Variants in PTPRZ1 observed in about 807,000 individuals in gnomAD.
PTPRZ1 encodes receptor-type tyrosine-protein phosphatase zeta.
PTPRZ1 carries 82 observed loss-of-function variants against 214.1 expected under a neutral mutation model. The ratio of observed to expected loss-of-function variants is 0.38; its 90% confidence interval spans 0.32 to 0.46. The LOEUF is 0.46. PTPRZ1 is among the 20% of genes least tolerant of loss of function. PTPRZ1 has a pLI of 1.00. For missense variants in PTPRZ1, 2,603 were observed against 2,748.7 expected (o/e 0.95, Z 1.19); for synonymous variants, 945 against 987.9 (o/e 0.96, Z 0.81).
At chr7:121,896,604 T>C (rs888370339) in intron 1 of PTPRZ1, among the ~76,000 whole-genome samples, 2 of 152,054 alleles carry the variant, frequency 1.3e-5, no homozygotes, top group Non-Finnish European at 2.9e-5. Flanking sequence ...AAACCCCGCC[T>C]CTACTAAAAA....
intron 14 of PTPRZ1, among the ~76,000 whole-genome samples, chr7:122,029,095 GGT>G (rs1491303404): frequency 2.3e-5 from 3 of 129,988 alleles, no homozygotes; most frequent in Admixed American, 7.3e-5. Context: ...GTGAGAAAAG[GGT>G]TTTTTTTTTT....
At chr7:121,923,443 C>CAGA (rs1213977912) in intron 1 of PTPRZ1, among the ~76,000 whole-genome samples, 2 of 152,072 alleles carry the variant, frequency 1.3e-5, no homozygotes, top group Admixed American at 6.6e-5. Context: ...AGTTATTTTT[C>CAGA]TTAGGAGCAC....
At chr7:121,963,927 T>C (rs746530048) in intron 2 of PTPRZ1, among the ~76,000 whole-genome samples, 6 of 149,088 alleles carry the variant, frequency 4.0e-5, no homozygotes, top group Non-Finnish European at 9.0e-5. Flanking sequence ...GTCATTGCGC[T>C]ATATGTTGTC....
At chr7:121,976,426 T>A (rs964792954) in intron 5 of PTPRZ1, among the ~76,000 whole-genome samples, 158 bp downstream of exon 5, 4 of 152,148 alleles carry the variant, frequency 2.6e-5, no homozygotes, top group African/African-American at 9.7e-5. Flanking sequence ...TGCCTGGTAT[T>A]TTTAAAAGGA....
chr7:122,037,397 C>A (rs1799582554), intron 18 of PTPRZ1, among the ~76,000 whole-genome samples: 1 of 152,146 alleles, frequency 6.6e-6, no homozygotes, highest in African/African-American at 2.4e-5. Flanking sequence ...GATTAAAAGG[C>A]AAACATGATT....
intron 4 of PTPRZ1, among the ~76,000 whole-genome samples, chr7:121,973,940 G>GAAAAAAAAAAAAAAA: frequency 1.2e-5 from 1 of 86,220 alleles, no homozygotes; most frequent in Non-Finnish European, 2.1e-5. Flanking sequence ...TCTCAAAAAA[G>GAAAAAAAAAAAAAAA]AAAAAAAAAA....
At chr7:122,047,894 T>A (rs1792050818) in intron 23 of PTPRZ1, among the ~76,000 whole-genome samples, 1 of 152,126 alleles carries the variant, frequency 6.6e-6, no homozygotes, top group South Asian at 2.1e-4. Flanking sequence ...GCTCAATCGA[T>A]CTGCCTGCTG....
intron 12 of PTPRZ1, among the ~76,000 whole-genome samples, chr7:122,018,773 T>G (rs1257984226): frequency 6.6e-6 from 1 of 152,160 alleles, no homozygotes; most frequent in Non-Finnish European, 1.5e-5. Flanking sequence ...AGCGCTGTTT[T>G]TCCTGACCAT....
chr7:122,037,309 C>G (rs1799578675), intron 18 of PTPRZ1, among the ~76,000 whole-genome samples: 1 of 152,002 alleles, frequency 6.6e-6, no homozygotes, highest in South Asian at 2.1e-4. Flanking sequence ...AGGGCCAAGG[C>G]TTATTTTAAG....
intron 1 of PTPRZ1, among the ~76,000 whole-genome samples, chr7:121,904,703 C>G (rs1795068189): frequency 6.6e-6 from 1 of 152,118 alleles, no homozygotes; most frequent in African/African-American, 2.4e-5. Context: ...AGGATAGATT[C>G]CGGGGTTTCT....
intron 1 of PTPRZ1, among the ~76,000 whole-genome samples, chr7:121,884,106 A>T (rs1562999874): frequency 1.3e-5 from 2 of 152,042 alleles, no homozygotes; most frequent in African/African-American, 4.8e-5. Context: ...AAATATAGAC[A>T]GTTGTGCTAT....
At chr7:121,975,959 C>G (rs971281890) in intron 4 of PTPRZ1, among the ~76,000 whole-genome samples, 9 of 152,154 alleles carry the variant, frequency 5.9e-5, no homozygotes, top group African/African-American at 1.7e-4. Flanking sequence ...AATTTTACGG[C>G]ACAGTCCCCT....
Position 121,952,284 on chromosome 7 carries a change from G to T in PTPRZ1, c.125-15667G>T, listed in dbSNP as rs536074597. ...GTGTTTTTTTTTTTGTTTGTTTTTG[G>T]TTTTTTTTAGCATAATAAAGACTTG... On this transcript the variant is annotated intron_variant, in intron 2 of 29. Coordinates refer to ENST00000393386, the MANE Select transcript of PTPRZ1 (RefSeq NM_002851.3). Among the ~76,000 whole-genome samples the T allele has an allele frequency of 1.4e-3, 207 of 151,818 alleles. 2 individuals carry two copies. Among genetic ancestry groups the T allele is most frequent in the Middle Eastern group, 3.4e-3 (1 of 294 alleles).
intron 6 of PTPRZ1, among the ~76,000 whole-genome samples, chr7:121,981,179 T>A (rs929554640): frequency 5.3e-5 from 8 of 151,876 alleles, no homozygotes; most frequent in African/African-American, 1.9e-4. Context: ...ACTAAAACCT[T>A]GAAAAGGCTT....
intron 2 of PTPRZ1, among the ~76,000 whole-genome samples, chr7:121,953,347 G>A (rs940640525): frequency 6.6e-6 from 1 of 152,104 alleles, no homozygotes; most frequent in African/African-American, 2.4e-5. Context: ...ACTTTCACTT[G>A]GTTTGAAAAG....
At chr7:121,964,956 G>A (rs187721600) in intron 2 of PTPRZ1, among the ~76,000 whole-genome samples, 5 of 152,292 alleles carry the variant, frequency 3.3e-5, no homozygotes, top group Middle Eastern at 3.4e-3. Context: ...GAGGACATGA[G>A]CGGGGACATC....
At chr7:121,933,234 A>G (rs1795976352) in intron 2 of PTPRZ1, among the ~76,000 whole-genome samples, 1 of 151,512 alleles carries the variant, frequency 6.6e-6, no homozygotes, top group South Asian at 2.1e-4. Context: ...ATCCTAGGAG[A>G]TGTTAAAAAT....
chr7:121,996,683 G>T (rs1798148939), intron 9 of PTPRZ1, 117 bp downstream of exon 9: 1 of 782,778 alleles, frequency 1.3e-6, no homozygotes, highest in Non-Finnish European at 1.9e-6. Flanking sequence ...TTATGTGAAG[G>T]TGGGGTAGGC....
chr7:121,920,880 A>G (rs139736064), intron 1 of PTPRZ1, among the ~76,000 whole-genome samples: 2 of 152,120 alleles, frequency 1.3e-5, no homozygotes, highest in African/African-American at 4.8e-5. Context: ...TAAATTGAGA[A>G]TATGTCAGTG....
Sources: allele counts gnomAD v4.1 joint callset (sites outside exome capture counted in the v4.1 genomes callset), GRCh38; gene constraint gnomAD v4.1.1; transcripts MANE v1.5; gene names NCBI Gene and HGNC (gene_info 2026-07-23, HGNC 2026-07-21).